LINGO2: variants seen among roughly 807,000 people sequenced by gnomAD.
LINGO2 encodes the protein leucine-rich repeat and immunoglobulin-like domain-containing nogo receptor-interacting protein 2.
In LINGO2, 14 loss-of-function variants were observed where a neutral mutation model predicts 30.6. The ratio of observed to expected loss-of-function variants is 0.46; its 90% CI spans 0.30 to 0.72. LINGO2 has a LOEUF of 0.72. Among genes scored for constraint, LINGO2 ranks in the 30% least tolerant of loss-of-function variants. The pLI is 0.07. For missense variants in LINGO2, 729 were observed against 751.7 expected (o/e 0.97, Z 0.35); for synonymous variants, 317 against 288.5 (o/e 1.10, Z -1.00).
At chr9:28,302,859 A>C (rs902721253) in intron 3 of LINGO2, among the ~76,000 whole-genome samples, 2 of 152,130 alleles carry the variant, frequency 1.3e-5, no homozygotes, top group Non-Finnish European at 2.9e-5. Context: ...AACCTGGGAG[A>C]CAGGTACTAC....
intron 4 of LINGO2, among the ~76,000 whole-genome samples, chr9:28,072,006 A>T (rs17698273): frequency 6.6e-6 from 1 of 152,102 alleles, no homozygotes; most frequent in Non-Finnish European, 1.5e-5. Context: ...TAGAGCAAAG[A>T]TTTTCTTGAG....
chr9:28,607,500 A>C (rs1017292513), intron 1 of LINGO2, among the ~76,000 whole-genome samples: 10 of 152,070 alleles, frequency 6.6e-5, no homozygotes, highest in African/African-American at 2.4e-4. Context: ...CTAATGAAGA[A>C]ATTTAAGCCT....
the LINGO2 span, among the ~76,000 whole-genome samples, chr9:28,797,347 T>TAGAG: frequency 2.6e-4 from 18 of 68,244 alleles, no homozygotes; most frequent in East Asian, 5.6e-4. Flanking sequence ...TATATATATA[T>TAGAG]ATATATATAT....
the LINGO2 span, among the ~76,000 whole-genome samples, chr9:28,875,994 C>CA: frequency 2.0e-5 from 3 of 151,224 alleles, no homozygotes; most frequent in Non-Finnish European, 3.0e-5. Context: ...TTATATTTTC[C>CA]AAAAAAAATC....
chr9:29,146,013 T>C, the LINGO2 span, among the ~76,000 whole-genome samples: 1 of 152,204 alleles, frequency 6.6e-6, no homozygotes, highest in Non-Finnish European at 1.5e-5. Context: ...CACACACATA[T>C]ACATTGGTAA....
chr9:29,023,149 G>A, the LINGO2 span, among the ~76,000 whole-genome samples: 3 of 152,008 alleles, frequency 2.0e-5, no homozygotes, highest in African/African-American at 4.8e-5. Context: ...GGACACAACC[G>A]CATGGCCAAA....
the LINGO2 span, among the ~76,000 whole-genome samples, chr9:28,928,449 T>G: frequency 6.6e-6 from 1 of 152,196 alleles, no homozygotes; most frequent in African/African-American, 2.4e-5. Flanking sequence ...AACATGAGTT[T>G]GAACTGTGTA....
chr9:28,377,921 A>T (rs1039664535), intron 2 of LINGO2, among the ~76,000 whole-genome samples: 1 of 152,194 alleles, frequency 6.6e-6, no homozygotes. Context: ...AAGTTACCTA[A>T]TTCTATGCAG....
chr9:28,025,464 AGAAGCCTGACTTATAT>A (rs1170968410), intron 4 of LINGO2, among the ~76,000 whole-genome samples: 1 of 152,220 alleles, frequency 6.6e-6, no homozygotes, highest in Non-Finnish European at 1.5e-5. Context: ...CTCAGCTAAA[AGAAGCCTGACTTATAT>A]GTAGACTCCA....
rs748346198 is a variant in LINGO2, at chr9:27,994,358, TAAAC to T, written c.-36+17993_-36+17996del. 3.9e-5 allele frequency among the ~76,000 whole-genome samples: 6 copies of T among 152,082 alleles called. No individual in the cohort carries two copies. In the South Asian group the frequency reaches 1.0e-3, roughly 26 times the overall value. On this transcript the variant is annotated intron_variant, in intron 5 of 5. Coordinates refer to ENST00000379992, the Ensembl canonical transcript of LINGO2. ...GGAAAATTTCGTTTTTAAAAAAAGT[TAAAC>T]AAATTGACAAACATTTGACTAGACT... is the stretch of plus-strand genomic sequence containing the variant.
intron 1 of LINGO2, among the ~76,000 whole-genome samples, chr9:28,491,227 T>C (rs1826383328): frequency 6.6e-6 from 1 of 152,186 alleles, no homozygotes; most frequent in Non-Finnish European, 1.5e-5. Context: ...GCTGATTCTT[T>C]CTGGAGGCTT....
At chr9:29,050,005 C>T in the LINGO2 span, among the ~76,000 whole-genome samples, 2 of 151,720 alleles carry the variant, frequency 1.3e-5, no homozygotes, top group Non-Finnish European at 2.9e-5. Context: ...ATATACCTTT[C>T]TCCATGATGT....
intron 3 of LINGO2, among the ~76,000 whole-genome samples, chr9:28,312,227 G>T (rs1824654511): frequency 6.9e-6 from 1 of 145,612 alleles, no homozygotes; most frequent in African/African-American, 2.5e-5. Context: ...TACCGAGAAA[G>T]AATATTTCAA....
At chr9:28,416,698 A>C (rs1387851603) in intron 2 of LINGO2, among the ~76,000 whole-genome samples, 2 of 152,194 alleles carry the variant, frequency 1.3e-5, no homozygotes, top group Non-Finnish European at 2.9e-5. Context: ...TGAGTATCTT[A>C]GAAAAGGTCA....
At chr9:27,977,043 A>G (rs1441237217) in intron 5 of LINGO2, among the ~76,000 whole-genome samples, 4 of 80,972 alleles carry the variant, frequency 4.9e-5, no homozygotes, top group Non-Finnish European at 1.4e-4. Flanking sequence ...AGGTAAATGG[A>G]AAAAAAAAAG....
the LINGO2 span, among the ~76,000 whole-genome samples, chr9:28,939,775 G>A: frequency 3.3e-5 from 5 of 152,120 alleles, no homozygotes; most frequent in African/African-American, 1.2e-4. Context: ...TGCATGGGAT[G>A]AGTGAATGAA....
the LINGO2 span, among the ~76,000 whole-genome samples, chr9:28,979,767 T>C: frequency 1.2e-4 from 19 of 152,252 alleles, no homozygotes; most frequent in Middle Eastern, 3.4e-3. Flanking sequence ...GATTTGTCCA[T>C]TGAATCGTGT....
the LINGO2 span, among the ~76,000 whole-genome samples, chr9:29,196,001 C>T: frequency 3.1e-4 from 47 of 152,164 alleles, no homozygotes; most frequent in Non-Finnish European, 5.3e-4. Flanking sequence ...GAATCATTTC[C>T]ATGTGCTCCA....
chr9:28,518,208 G>T (rs1448163972), intron 1 of LINGO2, among the ~76,000 whole-genome samples: 1 of 152,096 alleles, frequency 6.6e-6, no homozygotes, highest in Non-Finnish European at 1.5e-5. Flanking sequence ...AAGAGATGAA[G>T]TGAATTAATT....
Sources: gnomAD v4.1 joint callset for allele counts (sites outside exome capture counted in the v4.1 genomes callset) on GRCh38, gnomAD v4.1.1 for gene constraint, MANE v1.5 for transcripts, NCBI Gene and HGNC (gene_info 2026-07-23, HGNC 2026-07-21) for gene names.